The following NEGR1 variants were observed in gnomAD, a reference collection of about 807,000 sequenced individuals.
The protein encoded by NEGR1 is IgLON family member 4.
Under a neutral mutation model 40.9 loss-of-function variants are expected in NEGR1, and 10 were observed. That is an observed-to-expected ratio of 0.24 (90% CI 0.15 to 0.42). The LOEUF (loss-of-function observed/expected upper bound fraction) is 0.42. NEGR1 is among the 10% of genes least tolerant of loss of function. The pLI is 1.00. For synonymous variants in NEGR1, 185 were observed against 166.8 expected (o/e 1.11, Z -0.84); for missense variants, 352 against 438.9 (o/e 0.80, Z 1.77).
chr1:71,938,999 T>C (rs1411799381), intron 1 of NEGR1, among the ~76,000 whole-genome samples: 1 of 152,118 alleles, frequency 6.6e-6, no homozygotes, highest in Admixed American at 6.6e-5. Flanking sequence ...ATAATTTTGA[T>C]AGTAGTCAAC....
intron 1 of NEGR1, among the ~76,000 whole-genome samples, chr1:72,199,918 GAA>G (rs764942648): frequency 6.6e-6 from 1 of 151,678 alleles, no homozygotes; most frequent in African/African-American, 2.4e-5. Context: ...ACAAATATAT[GAA>G]AAAATGCTCA....
chr1:71,981,262 G>A (rs1370229263), intron 1 of NEGR1, among the ~76,000 whole-genome samples: 1 of 152,088 alleles, frequency 6.6e-6, no homozygotes, highest in Non-Finnish European at 1.5e-5. Flanking sequence ...ATTACAGAGA[G>A]TTTGTTGCCT....
intron 2 of NEGR1, among the ~76,000 whole-genome samples, chr1:71,883,430 T>G (rs760005296): frequency 4.6e-5 from 7 of 152,066 alleles, no homozygotes; most frequent in South Asian, 2.1e-4. Flanking sequence ...AAGCCCTGAT[T>G]TTTTTGCTCA....
intron 3 of NEGR1, among the ~76,000 whole-genome samples, chr1:71,761,757 G>A (rs983344505): frequency 6.6e-6 from 1 of 151,870 alleles, no homozygotes; most frequent in African/African-American, 2.4e-5. Context: ...CTCCGACAAG[G>A]AAGACTAAGA....
intron 1 of NEGR1, among the ~76,000 whole-genome samples, chr1:71,980,168 C>A (rs1267518516): frequency 6.6e-6 from 1 of 152,080 alleles, no homozygotes; most frequent in Admixed American, 6.6e-5. Flanking sequence ...GAGGTTACTT[C>A]TGAGGAGCCA....
intron 6 of NEGR1, among the ~76,000 whole-genome samples, chr1:71,465,188 T>C (rs1313575271): frequency 6.6e-6 from 1 of 152,114 alleles, no homozygotes; most frequent in Admixed American, 6.6e-5. Flanking sequence ...AATTAGAGTT[T>C]CAGTGAGAAC....
chr1:72,102,882 A>G (rs776494236), intron 1 of NEGR1, among the ~76,000 whole-genome samples: 2 of 152,120 alleles, frequency 1.3e-5, no homozygotes, highest in Non-Finnish European at 2.9e-5. Context: ...CTTCAGCAGT[A>G]AAGTAGCACA....
intron 1 of NEGR1, among the ~76,000 whole-genome samples, chr1:72,222,116 T>G (rs1654033059): frequency 6.6e-6 from 1 of 152,092 alleles, no homozygotes; most frequent in Admixed American, 6.6e-5. Context: ...TCCCAGCACC[T>G]GGATGACCCT....
At chr1:71,575,506 G>A (rs1262646211) in intron 6 of NEGR1, among the ~76,000 whole-genome samples, 5 of 152,192 alleles carry the variant, frequency 3.3e-5, no homozygotes, top group Non-Finnish European at 7.3e-5. Flanking sequence ...TTTCCCAGTT[G>A]GGCACGGTGG....
At chr1:71,677,507 T>C (rs1190171225) in intron 4 of NEGR1, among the ~76,000 whole-genome samples, 1 of 152,068 alleles carries the variant, frequency 6.6e-6, no homozygotes, top group Non-Finnish European at 1.5e-5. Context: ...TGTAAAGTTA[T>C]CATATTTATT....
intron 3 of NEGR1, among the ~76,000 whole-genome samples, chr1:71,734,606 A>G (rs1472580568): frequency 6.6e-6 from 1 of 152,100 alleles, no homozygotes; most frequent in Non-Finnish European, 1.5e-5. Context: ...TGATTTAACT[A>G]TGCTTCTAAC....
intron 1 of NEGR1, among the ~76,000 whole-genome samples, chr1:72,171,386 C>T (rs938554076): frequency 1.6e-4 from 24 of 152,098 alleles, no homozygotes; most frequent in African/African-American, 5.8e-4. Flanking sequence ...TATCCCTTTG[C>T]CCTTTCTGGC....
intron 6 of NEGR1, among the ~76,000 whole-genome samples, chr1:71,544,493 A>G (rs1639446621): frequency 6.6e-6 from 1 of 151,736 alleles, no homozygotes; most frequent in African/African-American, 2.4e-5. Context: ...TACTAACCTA[A>G]AAAACAGGGA....
At chr1:71,965,433 C>T (rs929639643) in intron 1 of NEGR1, among the ~76,000 whole-genome samples, 57 of 152,262 alleles carry the variant, frequency 3.7e-4, no homozygotes, top group African/African-American at 1.1e-3. Context: ...GCCACTTAAG[C>T]ATGCTTCATA....
intron 3 of NEGR1, among the ~76,000 whole-genome samples, chr1:71,712,964 T>C (rs1654154459): frequency 6.6e-6 from 1 of 152,228 alleles, no homozygotes. Context: ...ATGCTTCCTG[T>C]ACAGCCTGTG....
intron 1 of NEGR1, among the ~76,000 whole-genome samples, chr1:72,176,200 T>C (rs1652157735): frequency 6.6e-6 from 1 of 152,126 alleles, no homozygotes; most frequent in Non-Finnish European, 1.5e-5. Flanking sequence ...TGTAGAATTT[T>C]ATGCAAAATT....
chr1:71,840,333 A>C (rs1449855145), intron 2 of NEGR1, among the ~76,000 whole-genome samples: 1 of 152,114 alleles, frequency 6.6e-6, no homozygotes, highest in African/African-American at 2.4e-5. Flanking sequence ...TGTTAAAAGT[A>C]AGTATTTGTA....
chr1:71,520,849 G>T lies in NEGR1; in HGVS notation c.940+71968C>A, dbSNP rs1221976783. Among the ~76,000 whole-genome samples, 3 of 152,088 alleles carry T rather than the reference G, an allele frequency of 2.0e-5. No individual in the cohort carries two copies. In the East Asian group the frequency reaches 5.8e-4, roughly 30 times the overall value. The stretch of plus-strand genomic sequence containing the variant: ...GAAGGTGATTTCACATATGACTTAA[G>T]AAATTACAAGTTACCCTGCTTTTAC... On this transcript the variant is annotated intron_variant, in intron 6 of 6. Transcript: ENST00000357731.
At chr1:71,498,756 C>T (rs994824054) in intron 6 of NEGR1, among the ~76,000 whole-genome samples, 4 of 152,112 alleles carry the variant, frequency 2.6e-5, no homozygotes, top group Non-Finnish European at 5.9e-5. Context: ...ATCTGCCAAG[C>T]CCAATCAATG....
Sources: gnomAD v4.1 joint callset for allele counts (sites outside exome capture counted in the v4.1 genomes callset) on GRCh38, gnomAD v4.1.1 for gene constraint, MANE v1.5 for transcripts, NCBI Gene and HGNC (gene_info 2026-07-23, HGNC 2026-07-21) for gene names.